The following CCDC7 variants were observed in gnomAD, a reference collection of about 807,000 sequenced individuals.
The protein encoded by CCDC7 is coiled-coil domain containing 7.
In CCDC7, 183 loss-of-function variants were observed where a neutral mutation model predicts 196.9. The observed-to-expected ratio is 0.93, with a 90% CI of 0.82 to 1.05. The LOEUF is 1.05. Ranked by LOEUF, CCDC7 falls within the 50% of genes least tolerant of loss-of-function variation. The probability of loss-of-function intolerance (pLI) is 0.00; values close to 1 mark genes in which losing one functional copy is unlikely to be tolerated. For synonymous variants in CCDC7, 525 were observed against 484.6 expected (o/e 1.08, Z -1.10); for missense variants, 1,540 against 1,482.2 (o/e 1.04, Z -0.64).
chr10:32,749,626 T>C (rs766500534), intron 28 of CCDC7, among the ~76,000 whole-genome samples: 13 of 152,142 alleles, frequency 8.5e-5, no homozygotes, highest in Non-Finnish European at 1.6e-4. Context: ...AGAGAAAATA[T>C]TTTTGTCCAG....
chr10:32,876,188 A>G (rs1286334993), intron 41 of CCDC7, among the ~76,000 whole-genome samples, 159 bp from the exon 43 acceptor site: 2 of 152,084 alleles, frequency 1.3e-5, no homozygotes, highest in African/African-American at 4.8e-5. Flanking sequence ...GCATCATTCT[A>G]TAAAAACAAT....
At chr10:32,784,458 C>G (rs11009082) in intron 29 of CCDC7, among the ~76,000 whole-genome samples, 2 of 151,946 alleles carry the variant, frequency 1.3e-5, no homozygotes, top group Non-Finnish European at 1.5e-5. Context: ...GCTCCCACTC[C>G]CAAGTGGGAA....
chr10:32,747,641 A>G (rs2075009176), intron 28 of CCDC7, among the ~76,000 whole-genome samples: 1 of 152,216 alleles, frequency 6.6e-6, no homozygotes, highest in Non-Finnish European at 1.5e-5. Flanking sequence ...AGAGAAATTC[A>G]AATCAAAACC....
At chr10:32,513,476 T>C (rs907792328) in intron 9 of CCDC7, 4 of 152,054 alleles carry the variant, frequency 2.6e-5, no homozygotes, top group African/African-American at 9.7e-5. Flanking sequence ...AGTTCACACT[T>C]CTCAATTCAT....
chr10:32,801,443 A>G (rs2084767850), intron 29 of CCDC7, among the ~76,000 whole-genome samples: 1 of 152,236 alleles, frequency 6.6e-6, no homozygotes, highest in African/African-American at 2.4e-5. Context: ...TAAATGCAGA[A>G]TCCCTGCTTA....
intron 21 of CCDC7, among the ~76,000 whole-genome samples, chr10:32,666,312 G>C (rs548082950): frequency 6.6e-6 from 1 of 151,520 alleles, no homozygotes; most frequent in African/African-American, 2.4e-5. Flanking sequence ...TACCAGGTAC[G>C]GCAGTAGGAA....
At chr10:32,780,386 G>A (rs2080851432) in intron 29 of CCDC7, among the ~76,000 whole-genome samples, 1 of 152,092 alleles carries the variant, frequency 6.6e-6, no homozygotes, top group South Asian at 2.1e-4. Context: ...TTGTAACTCT[G>A]CTCTTTGTAT....
At chr10:32,638,370 T>G (rs544783051) in intron 20 of CCDC7, among the ~76,000 whole-genome samples, 2,135 of 152,310 alleles carry the variant, frequency 0.014, 26 homozygotes, top group Non-Finnish European at 0.023. Context: ...TGTGGGTTTG[T>G]CATAAATAGC....
rs113184065 is a variant in CCDC7 at position 32,679,347 on chromosome 10, T to G, written c.2123-6623T>G. 5.1e-3 allele frequency among the ~76,000 whole-genome samples: 773 copies of G among 152,278 alleles called. 6 individuals carry two copies. Among genetic ancestry groups the G allele is most frequent in the Non-Finnish European group, 6.4e-3 (438 of 68,024 alleles). ...CTCCAATTGGCAAACAGAAGACCTC[T>G]TACTCAAACAGTAAATGGATATCAG... On this transcript the variant is annotated intron_variant, in intron 21 of 41. Coordinates refer to ENST00000639629, the Ensembl canonical transcript of CCDC7.
At chr10:32,521,510 T>C (rs928102980) in intron 11 of CCDC7, among the ~76,000 whole-genome samples, 3 of 152,134 alleles carry the variant, frequency 2.0e-5, no homozygotes, top group African/African-American at 7.2e-5. Flanking sequence ...TGTTGGTATA[T>C]AGAAATGTTA....
chr10:32,759,990 A>G (rs1047913940), intron 28 of CCDC7, among the ~76,000 whole-genome samples: 1 of 152,186 alleles, frequency 6.6e-6, no homozygotes, highest in African/African-American at 2.4e-5. Context: ...AAACACATGA[A>G]AAAATGCTCA....
intron 18 of CCDC7, among the ~76,000 whole-genome samples, chr10:32,630,696 T>C (rs1356267330): frequency 6.6e-6 from 1 of 152,228 alleles, no homozygotes; most frequent in Non-Finnish European, 1.5e-5. Flanking sequence ...TTTTATTTAT[T>C]GGTTGCAGAA....
intron 5 of CCDC7, among the ~76,000 whole-genome samples, chr10:32,468,692 T>C (rs2037343093): frequency 6.6e-6 from 1 of 152,170 alleles, no homozygotes. Context: ...CGTTTAAATG[T>C]CAGCCAAGAT....
chr10:32,729,408 A>G (rs1300312057), exon 28 of CCDC7: 7 of 1,487,176 alleles, frequency 4.7e-6, no homozygotes, highest in Non-Finnish European at 4.6e-6. Flanking sequence ...TATTATCAAG[A>G]AGCGAATCTC....
intron 32 of CCDC7, among the ~76,000 whole-genome samples, chr10:32,828,479 G>GAAGAAGAAGAA (rs1565633928): frequency 1.4e-3 from 86 of 61,514 alleles, no homozygotes; most frequent in Admixed American, 2.2e-3. Context: ...AAGAGGAAGA[G>GAAGAAGAAGAA]GAAGAGGAAG....
chr10:32,785,315 CT>C (rs1401058113), intron 29 of CCDC7, among the ~76,000 whole-genome samples: 62 of 152,104 alleles, frequency 4.1e-4, no homozygotes, highest in African/African-American at 1.4e-3. Context: ...TAAAACAGAA[CT>C]AAATGATAAA....
intron 9 of CCDC7, chr10:32,514,183 A>C (rs1441881679): frequency 6.6e-6 from 1 of 152,170 alleles, no homozygotes; most frequent in African/African-American, 2.4e-5. Flanking sequence ...TCTATACACT[A>C]GCTGTTATGG....
chr10:32,620,143 G>A (rs531342183), intron 18 of CCDC7, among the ~76,000 whole-genome samples: 40 of 151,428 alleles, frequency 2.6e-4, no homozygotes, highest in Non-Finnish European at 4.9e-4. Context: ...GGCTGGTCTC[G>A]ATCTCCTGGC....
At chr10:32,476,178 A>C (rs2038932359) in intron 8 of CCDC7, among the ~76,000 whole-genome samples, 1 of 152,094 alleles carries the variant, frequency 6.6e-6, no homozygotes, top group Non-Finnish European at 1.5e-5. Context: ...GAATAGTTTA[A>C]TTGCCCCCAA....
Sources: gnomAD v4.1 joint callset for allele counts (sites outside exome capture counted in the v4.1 genomes callset) on GRCh38, gnomAD v4.1.1 for gene constraint, MANE v1.5 for transcripts, NCBI Gene and HGNC (gene_info 2026-07-23, HGNC 2026-07-21) for gene names.